Variants in NIBAN2 observed in about 807,000 individuals in gnomAD.
NIBAN2 encodes niban apoptosis regulator 2.
In NIBAN2, 36 loss-of-function variants were observed where a neutral mutation model predicts 81.8. That is an observed-to-expected ratio of 0.44 (90% confidence interval 0.34 to 0.58). The LOEUF (loss-of-function observed/expected upper bound fraction) is 0.58. NIBAN2 is among the 20% of genes least tolerant of loss of function. The pLI, the probability that NIBAN2 is intolerant of heterozygous loss-of-function variation, is 0.02. For missense variants in NIBAN2, 897 were observed against 1,014.1 expected, an observed-to-expected ratio of 0.88 and a Z score of 1.57; for synonymous variants, 445 against 441.6, an observed-to-expected ratio of 1.01 and a Z score of -0.10.
intron 1 of NIBAN2, among the ~76,000 whole-genome samples, chr9:127,555,759 G>A (rs1279878123): frequency 1.0e-4 from 16 of 152,382 alleles, no homozygotes; most frequent in African/African-American, 3.8e-4. Context: ...CCCAGGACAC[G>A]TGAGCTCCCA....
At chr9:127,512,977 T>TGG (rs1483974176) in intron 8 of NIBAN2, among the ~76,000 whole-genome samples, 1 of 152,098 alleles carries the variant, frequency 6.6e-6, no homozygotes, top group Non-Finnish European at 1.5e-5. Flanking sequence ...TAAGTGTCCA[T>TGG]AACAGACGAA....
rs534324853 is a variant in NIBAN2 at position 127,538,420 on chromosome 9, G to A, written c.56-6642C>T. The stretch of plus-strand genomic sequence containing the variant: ...AAGTGAGACTCAGGCTAAACACAGC[G>A]GCTGCCACCCAGGAAGCACTCAGTG... On this transcript the variant is annotated intron_variant, in intron 1 of 13. Coordinates refer to ENST00000373312, the MANE Select transcript of NIBAN2 (RefSeq NM_022833.4). 9.9e-5 allele frequency among the ~76,000 whole-genome samples: 15 copies of A among 152,186 alleles called. No homozygotes were observed. The South Asian group carries it at 1.5e-3, about 15-fold the overall frequency.
chr9:127,524,001 G>A (rs537341832), intron 4 of NIBAN2, among the ~76,000 whole-genome samples, 155 bp from the exon 5 acceptor site: 1 of 152,342 alleles, frequency 6.6e-6, no homozygotes, highest in East Asian at 1.9e-4. Flanking sequence ...GGCGGGGGTG[G>A]GAGCAGCCTT....
rs368566395 is a variant in NIBAN2 at position 127,568,478 on chromosome 9, G to A, written c.55+342C>T. On this transcript the variant is annotated intron_variant, in intron 1 of 13. Coordinates refer to ENST00000373312, the MANE Select transcript of NIBAN2 (RefSeq NM_022833.4). The stretch of plus-strand genomic sequence containing the variant: ...GATGGGCTTGCAACGCTTCTGGGCG[G>A]GGACAGCCAAGGGTGGGCAGCAGGC... 6.4e-4 allele frequency among the ~76,000 whole-genome samples: 98 copies of A among 152,274 alleles called. 2 individuals are homozygous for A. In the South Asian group the frequency reaches 0.016, roughly 25 times the overall value.
chr9:127,561,528 G>C (rs1837774102), intron 1 of NIBAN2, among the ~76,000 whole-genome samples: 1 of 152,194 alleles, frequency 6.6e-6, no homozygotes, highest in African/African-American at 2.4e-5. Flanking sequence ...GACTCAGACA[G>C]GTTGACTAAC....
chr9:127,554,571 T>G (rs1588182956), intron 1 of NIBAN2, among the ~76,000 whole-genome samples: 3 of 95,962 alleles, frequency 3.1e-5, no homozygotes, highest in South Asian at 7.4e-4. Flanking sequence ...TTTTTTTTTT[T>G]GCTTTTTGAG....
intron 1 of NIBAN2, among the ~76,000 whole-genome samples, chr9:127,540,703 G>T (rs10116135): frequency 6.6e-6 from 1 of 152,128 alleles, no homozygotes; most frequent in Non-Finnish European, 1.5e-5. Flanking sequence ...CACGGACGGG[G>T]GACCCAAGAG....
Position 127,563,239 on chromosome 9 carries a change from G to A in NIBAN2, c.55+5581C>T, listed in dbSNP as rs1837803587. ...AACAGAGTCAGGGGGACTAGAGGAG[G>A]CTGGATGGAGGGGAAGGCAGGGTCA... On this transcript the variant is annotated intron_variant, in intron 1 of 13. Transcript: ENST00000373312. The surrounding 1 kb of genome is among the most constrained non-coding windows in gnomAD (Gnocchi z 4.1). Among the ~76,000 whole-genome samples the A allele has an allele frequency of 1.3e-5, 2 of 152,206 alleles. No homozygotes were observed. Among genetic ancestry groups the A allele is most frequent in the Admixed American group, 1.3e-4 (2 of 15,274 alleles).
chr9:127,574,185 A>G (rs1158171810), intron 1 of NIBAN2, among the ~76,000 whole-genome samples: 2 of 152,178 alleles, frequency 1.3e-5, no homozygotes, highest in Non-Finnish European at 2.9e-5. Context: ...TGAAAATGCC[A>G]GGGCTGTGGA....
chr9:127,554,548 C>CTTTTTT (rs1230242603), intron 1 of NIBAN2, among the ~76,000 whole-genome samples: 1,904 of 103,654 alleles, frequency 0.018, 4 homozygotes, highest in Non-Finnish European at 0.024. Context: ...TTTTCTTTTT[C>CTTTTTT]TTTTTTTTTT....
In NIBAN2 at chr9:127,508,372, G is replaced by C; in HGVS notation, c.1434+50C>G. On this transcript the variant is annotated intron_variant, in intron 11 of 13. Coordinates refer to ENST00000373312, the MANE Select transcript of NIBAN2 (RefSeq NM_022833.4). This position sits in a 1 kb window ranked among gnomAD's most constrained non-coding sequence, Gnocchi z 6.4. The stretch of plus-strand genomic sequence containing the variant: ...TGGTGGTGGCCGGGGATGAGGCTCG[G>C]GGCTCGGCCTCGCCTAGGACGGTCC... 6.7e-7 allele frequency: 1 copy of C among 1,502,584 alleles called. No individual in the cohort carries two copies. The highest frequency in any genetic ancestry group is 1.1e-5 in the South Asian group (1 of 88,904). 93.1% of individuals were successfully genotyped at this position (1,502,584 alleles called of 1,614,324 possible).
At chr9:127,541,646 C>T (rs1417717270) in intron 1 of NIBAN2, among the ~76,000 whole-genome samples, 4 of 152,048 alleles carry the variant, frequency 2.6e-5, no homozygotes, top group African/African-American at 9.7e-5. Context: ...AGGAGGGGGA[C>T]CAGCAGCCCA....
intron 1 of NIBAN2, among the ~76,000 whole-genome samples, chr9:127,568,023 G>A (rs948633056): frequency 5.9e-5 from 9 of 152,146 alleles, no homozygotes; most frequent in African/African-American, 2.2e-4. Context: ...CAGAGTCTGT[G>A]GGGAAAAGGA....
chr9:127,513,503 T>C (rs113284835), intron 8 of NIBAN2, among the ~76,000 whole-genome samples: 7,526 of 152,174 alleles, frequency 0.049, 220 homozygotes, highest in Non-Finnish European at 0.06. Context: ...ATAAAGACCA[T>C]GCTGATAAAA....
In NIBAN2 at chr9:127,506,782, G is replaced by C. The variant is rs1174161794; in HGVS notation, c.*63C>G. Reference sequence around the variant, plus strand: ...AGACCAGGGTGCCCTCCCCAGAGCTGAGCCTGCCTGGGTCCGGAAGGGAAC... The same window carrying C: ...AGACCAGGGTGCCCTCCCCAGAGCTCAGCCTGCCTGGGTCCGGAAGGGAAC... On this transcript the variant is annotated 3_prime_UTR_variant, in exon 14 of 14. Transcript: ENST00000373312. The C allele has an allele frequency of 6.8e-7, 1 of 1,466,820 alleles. No individual in the cohort carries two copies. Among genetic ancestry groups the C allele is most frequent in the Non-Finnish European group, 9.2e-7 (1 of 1,084,682 alleles). 90.9% of individuals were successfully genotyped at this position (1,466,820 alleles called of 1,614,324 possible).
chr9:127,515,502 CA>C (rs1167150209), intron 8 of NIBAN2, among the ~76,000 whole-genome samples: 2 of 124,876 alleles, frequency 1.6e-5, no homozygotes, highest in African/African-American at 6.3e-5. Flanking sequence ...GCCTGGGCGA[CA>C]GAGCGAGACT....
At chr9:127,565,059 C>T (rs1320312632) in intron 1 of NIBAN2, among the ~76,000 whole-genome samples, 3 of 152,116 alleles carry the variant, frequency 2.0e-5, no homozygotes. Flanking sequence ...TACTTTTGCT[C>T]AGGCAATCCT....
At chr9:127,535,082 C>T (rs2247364) in intron 1 of NIBAN2, among the ~76,000 whole-genome samples, 93,399 of 152,130 alleles carry the variant, frequency 0.61, 29,788 homozygotes, top group Middle Eastern at 0.75. Flanking sequence ...TCAACGTGGT[C>T]GGCAGGATGG....
chr9:127,578,148 G>A (rs147956855), intron 1 of NIBAN2, among the ~76,000 whole-genome samples: 2,099 of 148,340 alleles, frequency 0.014, 49 homozygotes, highest in African/African-American at 0.048. Context: ...CTGAGATCGC[G>A]CCACTGCACT....
Sources: gnomAD v4.1 joint callset for allele counts (sites outside exome capture counted in the v4.1 genomes callset) on GRCh38, gnomAD v4.1.1 for gene constraint, Gnocchi (gnomAD v3.1) non-coding constraint, MANE v1.5 for transcripts, NCBI Gene and HGNC (gene_info 2026-07-23, HGNC 2026-07-21) for gene names.